The following GPR155 variants were observed in gnomAD, a reference collection of about 807,000 sequenced individuals.
GPR155 encodes the protein G protein-coupled receptor 155.
Under a neutral mutation model 93.1 loss-of-function variants are expected in GPR155, and 65 were observed. The observed-to-expected ratio is 0.70, with a 90% CI of 0.57 to 0.86. GPR155 has a LOEUF of 0.86. GPR155 is among the 40% of genes least tolerant of loss of function. The pLI is 0.00. For synonymous variants in GPR155, 319 were observed against 360.1 expected (o/e 0.89, Z 1.29); for missense variants, 838 against 1,034.8 (o/e 0.81, Z 2.61).
intron 11 of GPR155, among the ~76,000 whole-genome samples, chr2:174,449,488 G>A (rs1037919930): frequency 3.3e-5 from 5 of 152,190 alleles, no homozygotes; most frequent in Non-Finnish European, 5.9e-5. Flanking sequence ...GGTGCCCATC[G>A]ATGGTGGACT....
At chr2:174,454,711 A>AAGGAAGGAAAGGAC (rs1687442806) in intron 10 of GPR155, among the ~76,000 whole-genome samples, 1 of 139,134 alleles carries the variant, frequency 7.2e-6, no homozygotes, top group Non-Finnish European at 1.5e-5. Context: ...AAGGAAAGGA[A>AAGGAAGGAAAGGAC]AGGAAGGGAA....
intron 15 of GPR155, among the ~76,000 whole-genome samples, chr2:174,437,398 T>C (rs1686817345): frequency 1.3e-5 from 2 of 152,168 alleles, no homozygotes; most frequent in Admixed American, 1.3e-4. Context: ...TTAATACTCA[T>C]GAAAAGTTTT....
chr2:174,470,911 G>C (rs1471437121), intron 3 of GPR155, among the ~76,000 whole-genome samples: 1 of 149,424 alleles, frequency 6.7e-6, no homozygotes, highest in African/African-American at 2.5e-5. Context: ...AATGTTCAAA[G>C]AAAGAAAGAA....
intron 10 of GPR155, among the ~76,000 whole-genome samples, chr2:174,457,702 A>C (rs1687560106): frequency 6.6e-6 from 1 of 152,058 alleles, no homozygotes; most frequent in Non-Finnish European, 1.5e-5. Context: ...TGATCCGCCC[A>C]CCTCAGCCTC....
chr2:174,441,865 C>G (rs1332613229), intron 14 of GPR155, among the ~76,000 whole-genome samples: 4 of 152,024 alleles, frequency 2.6e-5, no homozygotes, highest in African/African-American at 9.7e-5. Flanking sequence ...GCCTCAACCT[C>G]CTGAGTAGCT....
intron 2 of GPR155, 142 bp from the exon 3 acceptor site, chr2:174,473,506 C>T (rs1220989825): frequency 7.3e-6 from 4 of 548,868 alleles, no homozygotes; most frequent in Admixed American, 3.8e-5. Context: ...TGGAAAAGTA[C>T]ATTTTAGTAA....
chr2:174,462,519 T>C (rs1284855129), intron 7 of GPR155, among the ~76,000 whole-genome samples: 1 of 152,098 alleles, frequency 6.6e-6, no homozygotes, highest in Non-Finnish European at 1.5e-5. Context: ...ATGTTGCCCA[T>C]GCTGGTCTTG....
At chr2:174,478,680 C>A (rs766016445) in intron 2 of GPR155, among the ~76,000 whole-genome samples, 1 of 152,092 alleles carries the variant, frequency 6.6e-6, no homozygotes, top group East Asian at 1.9e-4. Context: ...TCCTTGCCAG[C>A]ATTTCCTGTG....
intron 10 of GPR155, among the ~76,000 whole-genome samples, chr2:174,457,913 G>A (rs1014427878): frequency 6.6e-6 from 1 of 152,026 alleles, no homozygotes; most frequent in Non-Finnish European, 1.5e-5. Context: ...ACCACATCCA[G>A]CTAATTTTTT....
At chr2:174,437,006 G>A (rs1474754239) in intron 15 of GPR155, among the ~76,000 whole-genome samples, 4 of 152,204 alleles carry the variant, frequency 2.6e-5, no homozygotes, top group Admixed American at 6.5e-5. Context: ...AGGAAGCAAG[G>A]AAAGAATAAG....
chr2:174,437,490 A>C lies in GPR155; in HGVS notation c.2313-1074T>G, dbSNP rs1424951581. On this transcript the variant is annotated intron_variant, in intron 15 of 15. Transcript: ENST00000392552. ...ATCTTAATTTATGCCTTGCAACTAG[A>C]AACACCACATTCGACAAAAGCCTGG... is the stretch of plus-strand genomic sequence containing the variant. Among the ~76,000 whole-genome samples, 3 of 152,126 alleles carry C rather than the reference A, an allele frequency of 2.0e-5. No homozygotes were observed. In the East Asian group the frequency reaches 5.8e-4, roughly 29 times the overall value.
intron 5 of GPR155, 151 bp from the exon 6 acceptor site, chr2:174,466,778 A>C: frequency 1.8e-6 from 1 of 546,050 alleles, no homozygotes; most frequent in South Asian, 2.3e-5. Context: ...TAGTTCCAAA[A>C]AGGTAAATTA....
intron 2 of GPR155, among the ~76,000 whole-genome samples, chr2:174,481,031 G>A (rs111720752): frequency 0.046 from 6,976 of 151,982 alleles, 551 homozygotes; most frequent in African/African-American, 0.16. Context: ...TGCCCCCCTC[G>A]GCCTCCCAAA....
intron 7 of GPR155, among the ~76,000 whole-genome samples, chr2:174,462,528 T>C (rs1017578396): frequency 5.3e-5 from 8 of 152,308 alleles, no homozygotes; most frequent in African/African-American, 1.7e-4. Context: ...ATGCTGGTCT[T>C]GAACTGCTGG....
intron 10 of GPR155, 60 bp from the exon 11 acceptor site, chr2:174,453,901 T>A (rs1357927829): frequency 9.6e-6 from 11 of 1,142,350 alleles, no homozygotes; most frequent in Admixed American, 3.5e-5. Flanking sequence ...TGGACAATTT[T>A]AAGAAATGCC....
intron 2 of GPR155, among the ~76,000 whole-genome samples, chr2:174,478,152 C>T (rs547726702): frequency 4.6e-5 from 7 of 152,298 alleles, no homozygotes; most frequent in South Asian, 4.1e-4. Context: ...CATTTTGCCA[C>T]GGGAGATTCT....
At chr2:174,482,635 G>A (rs527890295) in intron 1 of GPR155, among the ~76,000 whole-genome samples, 25 of 152,252 alleles carry the variant, frequency 1.6e-4, no homozygotes, top group Admixed American at 4.6e-4. Context: ...TGCAACCTCT[G>A]TCTCCTGGGT....
rs935814138 is a variant in GPR155, at chr2:174,435,961, C to T, written c.*155G>A. On this transcript the variant is annotated 3_prime_UTR_variant, in exon 16 of 16. Transcript: ENST00000392552. The stretch of plus-strand genomic sequence containing the variant: ...CATACATGTAAAATCACAGACCCTG[C>T]GCATGTGGTGGGAGCACATCTTTTC... The T allele has an allele frequency of 3.9e-5, 24 of 615,500 alleles. No individual in the cohort carries two copies. Among genetic ancestry groups the T allele is most frequent in the Admixed American group, 5.9e-5 (2 of 33,892 alleles). 38.1% of individuals were successfully genotyped at this position (615,500 alleles called of 1,614,324 possible). A position where few individuals can be genotyped will look rare whatever the true frequency, so the allele number is the denominator to read the frequency against.
chr2:174,477,300 AT>A (rs1468577610), intron 2 of GPR155, among the ~76,000 whole-genome samples: 1 of 152,062 alleles, frequency 6.6e-6, no homozygotes, highest in Non-Finnish European at 1.5e-5. Context: ...CATATTTATC[AT>A]TTTTTCTGAT....
Sources: allele counts gnomAD v4.1 joint callset (sites outside exome capture counted in the v4.1 genomes callset), GRCh38; gene constraint gnomAD v4.1.1; transcripts MANE v1.5; gene names NCBI Gene and HGNC (gene_info 2026-07-23, HGNC 2026-07-21).